Variants in EEF1AKMT1 observed in about 807,000 individuals in gnomAD.
EEF1AKMT1 encodes the protein N-6 adenine-specific DNA methyltransferase 2 (putative).
In EEF1AKMT1, 18 loss-of-function variants were observed where a neutral mutation model predicts 21.0. That is an observed-to-expected ratio of 0.86 (90% confidence interval 0.59 to 1.27). The LOEUF (loss-of-function observed/expected upper bound fraction) is 1.27, where lower values mean the gene tolerates loss of function less well. EEF1AKMT1 is among the 50% of genes most tolerant of loss of function. The pLI is 0.00. For missense variants in EEF1AKMT1, 246 were observed against 258.6 expected, an observed-to-expected ratio of 0.95 and a Z score of 0.33; for synonymous variants, 109 against 94.8, an observed-to-expected ratio of 1.15 and a Z score of -0.87.
chr13:20,754,750 A>ATT (rs2058962720), intron 2 of EEF1AKMT1, among the ~76,000 whole-genome samples: 1 of 151,214 alleles, frequency 6.6e-6, no homozygotes. Context: ...ACAAAAAAAA[A>ATT]AAAAAAAAAA....
intron 1 of EEF1AKMT1, among the ~76,000 whole-genome samples, chr13:20,767,169 T>G (rs1022177875): frequency 1.1e-4 from 16 of 150,756 alleles, no homozygotes; most frequent in Admixed American, 9.9e-4. Flanking sequence ...AGCCGGGCGT[T>G]GTGGCAAGCA....
At chr13:20,769,699 T>C (rs1309599598) in intron 1 of EEF1AKMT1, among the ~76,000 whole-genome samples, 1 of 151,970 alleles carries the variant, frequency 6.6e-6, no homozygotes, top group East Asian at 1.9e-4. Context: ...CAATATGGCT[T>C]CCAGAGTTAT....
chr13:20,766,319 A>AAAC (rs2059032384), intron 1 of EEF1AKMT1, among the ~76,000 whole-genome samples: 2 of 149,900 alleles, frequency 1.3e-5, no homozygotes, highest in African/African-American at 4.9e-5. Context: ...AAAAAAAGAA[A>AAAC]GAAAGAAAAG....
intron 2 of EEF1AKMT1, among the ~76,000 whole-genome samples, chr13:20,739,599 C>A (rs1028054443): frequency 1.3e-5 from 2 of 152,220 alleles, no homozygotes; most frequent in Middle Eastern, 6.8e-3. Flanking sequence ...TTCTCCAAGT[C>A]CCCACCAGAT....
At chr13:20,767,169 T>C (rs1022177875) in intron 1 of EEF1AKMT1, among the ~76,000 whole-genome samples, 2 of 150,638 alleles carry the variant, frequency 1.3e-5, no homozygotes, top group East Asian at 2.0e-4. Flanking sequence ...AGCCGGGCGT[T>C]GTGGCAAGCA....
chr13:20,748,715 G>GGTTTTTTGTTTTTTTTTT (rs1555326495), intron 2 of EEF1AKMT1, among the ~76,000 whole-genome samples: 6 of 105,810 alleles, frequency 5.7e-5, no homozygotes, highest in African/African-American at 2.2e-4. Flanking sequence ...ATGTATAGTT[G>GGTTTTTTGTTTTTTTTTT]TTTTTTTTTG....
chr13:20,730,192 A>G (rs909919040), intron 4 of EEF1AKMT1, among the ~76,000 whole-genome samples: 4 of 152,246 alleles, frequency 2.6e-5, no homozygotes, highest in African/African-American at 9.6e-5. Flanking sequence ...TGCACACTCC[A>G]TGAGGCCAGA....
At chr13:20,754,484 G>C (rs1555326779) in intron 2 of EEF1AKMT1, among the ~76,000 whole-genome samples, 1 of 152,028 alleles carries the variant, frequency 6.6e-6, no homozygotes, top group Non-Finnish European at 1.5e-5. Context: ...AATTTAATCT[G>C]TTTGGGAATC....
chr13:20,756,124 CA>C lies in EEF1AKMT1; in HGVS notation c.144+1330del, dbSNP rs538164064. On this transcript the variant is annotated intron_variant, in intron 2 of 4. Coordinates refer to ENST00000382758, the MANE Select transcript of EEF1AKMT1 (RefSeq NM_001318939.2). The stretch of plus-strand genomic sequence containing the variant: ...GAAAAGTTTATATAACTCAGAGATC[CA>C]AACTAGACACAAAAATATTAAAGAC... 2.4e-3 allele frequency among the ~76,000 whole-genome samples: 368 copies of C among 152,172 alleles called. 3 individuals are homozygous for C. The highest frequency in any genetic ancestry group is 8.6e-3 in the African/African-American group (357 of 41,540).
chr13:20,739,214 G>C (rs1168328528), intron 2 of EEF1AKMT1, among the ~76,000 whole-genome samples: 1 of 152,188 alleles, frequency 6.6e-6, no homozygotes, highest in East Asian at 1.9e-4. Flanking sequence ...GGTTTCAGGA[G>C]TGAAGCTGGA....
At chr13:20,732,929 G>A (rs1192631980) in intron 3 of EEF1AKMT1, among the ~76,000 whole-genome samples, 1 of 152,078 alleles carries the variant, frequency 6.6e-6, no homozygotes, top group Non-Finnish European at 1.5e-5. Context: ...AAGCTATTCT[G>A]AATTTCTGCT....
intron 2 of EEF1AKMT1, among the ~76,000 whole-genome samples, chr13:20,754,847 A>G (rs138114555): frequency 0.037 from 5,620 of 151,900 alleles, 373 homozygotes; most frequent in African/African-American, 0.13. Flanking sequence ...CCGAGATGGC[A>G]CCACTGCACT....
At chr13:20,747,472 T>TTTTTTTTTTTTTTTG in intron 2 of EEF1AKMT1, 1 of 146,830 alleles carries the variant, frequency 6.8e-6, no homozygotes, top group African/African-American at 2.8e-5. Context: ...CTTTTTTTTT[T>TTTTTTTTTTTTTTTG]TTTTTTTTTT....
intron 2 of EEF1AKMT1, among the ~76,000 whole-genome samples, chr13:20,742,712 C>T (rs2058878860): frequency 1.3e-5 from 2 of 152,218 alleles, no homozygotes; most frequent in Non-Finnish European, 2.9e-5. Context: ...GCCAAACTCA[C>T]AGAATAATCT....
At position 20,731,937 on chromosome 13, in the gene EEF1AKMT1, C is replaced by G. The variant is rs747096067; in HGVS notation, c.412G>C (p.Val138Leu). ...ERIAAHSFDI[V>L]IADPPYLSEE... ...GAAAGATAGGGAGGATCTGCTATTA[C>G]GATGTCAAAACTATGTGCAGCAATT... The change falls in exon 4 of 5, where the codon GTA becomes CTA. Residue 138 changes from valine to leucine, a missense_variant. Coordinates refer to ENST00000382758, the MANE Select transcript of EEF1AKMT1 (RefSeq NM_001318939.2). 5.0e-6 allele frequency: 8 copies of G among 1,614,050 alleles called. No individual in the cohort carries two copies. The South Asian group carries it at 6.6e-5, about 13-fold the overall frequency.
chr13:20,749,574 G>A (rs990905719), intron 2 of EEF1AKMT1, among the ~76,000 whole-genome samples: 1 of 152,134 alleles, frequency 6.6e-6, no homozygotes, highest in African/African-American at 2.4e-5. Flanking sequence ...TAGTTTAGCT[G>A]GGTATAGAAT....
At chr13:20,732,403 C>T (rs2058803019) in intron 3 of EEF1AKMT1, among the ~76,000 whole-genome samples, 1 of 152,146 alleles carries the variant, frequency 6.6e-6, no homozygotes, top group Non-Finnish European at 1.5e-5. Flanking sequence ...GTGATCTCGG[C>T]TCACTGCAAC....
intron 2 of EEF1AKMT1, among the ~76,000 whole-genome samples, chr13:20,738,903 GTGATAGT>G (rs2058846736): frequency 6.7e-6 from 1 of 149,340 alleles, no homozygotes; most frequent in African/African-American, 2.6e-5. Context: ...ATTGACTGTG[GTGATAGT>G]TGTGTGTCCG....
chr13:20,764,740 T>C (rs2059018399), intron 1 of EEF1AKMT1, among the ~76,000 whole-genome samples: 1 of 152,154 alleles, frequency 6.6e-6, no homozygotes, highest in Non-Finnish European at 1.5e-5. Flanking sequence ...AATTCACTCT[T>C]TTTATCATTA....
Sources: gnomAD v4.1 joint callset for allele counts (sites outside exome capture counted in the v4.1 genomes callset) on GRCh38, gnomAD v4.1.1 for gene constraint, MANE v1.5 for transcripts, NCBI Gene and HGNC (gene_info 2026-07-23, HGNC 2026-07-21) for gene names.